Variants in RBM19 observed in about 807,000 individuals in gnomAD.
RBM19 encodes the protein probable RNA-binding protein 19.
Under a neutral mutation model 116.8 loss-of-function variants are expected in RBM19, and 94 were observed. That is an observed-to-expected ratio of 0.80 (90% CI 0.68 to 0.95). The LOEUF is 0.95. Among genes scored for constraint, RBM19 ranks in the 40% least tolerant of loss-of-function variants. The probability of loss-of-function intolerance (pLI) is 0.00; values close to 1 mark genes in which losing one functional copy is unlikely to be tolerated. For synonymous variants in RBM19, 475 were observed against 494.1 expected, an observed-to-expected ratio of 0.96 and a Z score of 0.51; for missense variants, 1,161 against 1,220.7, an observed-to-expected ratio of 0.95 and a Z score of 0.73.
rs150114860 is a variant in RBM19, at chr12:113,822,268, C to T, written c.*956G>A. 17 of 152,390 alleles carry T rather than the reference C, an allele frequency of 1.1e-4. No individual in the cohort carries two copies. The highest frequency in any genetic ancestry group is 3.9e-4 in the Admixed American group (6 of 15,310). 9.4% of individuals were successfully genotyped at this position (152,390 alleles called of 1,614,324 possible). On this transcript the variant is annotated 3_prime_UTR_variant, in exon 24 of 24. Transcript: ENST00000261741. Reference sequence around the variant, plus strand: ...AGTGCAGTTCTTGCTCTGCCCTCTCCGTCTTGCCCTCTGCCTGGTGCTGGC... The same window carrying T: ...AGTGCAGTTCTTGCTCTGCCCTCTCTGTCTTGCCCTCTGCCTGGTGCTGGC...
intron 2 of RBM19, among the ~76,000 whole-genome samples, chr12:113,961,393 G>A (rs938358009): frequency 1.1e-4 from 16 of 151,782 alleles, no homozygotes; most frequent in African/African-American, 3.6e-4. Flanking sequence ...ACATGCTCAC[G>A]GTACAAAATT....
At chr12:113,909,193 G>C (rs117611077) in intron 21 of RBM19, among the ~76,000 whole-genome samples, 1 of 152,146 alleles carries the variant, frequency 6.6e-6, no homozygotes, top group African/African-American at 2.4e-5. Context: ...CCTGATTATA[G>C]CTCACTGCAA....
downstream of RBM19, among the ~76,000 whole-genome samples, chr12:113,820,543 C>T (rs578017983): frequency 1.8e-3 from 272 of 152,128 alleles, no homozygotes; most frequent in Non-Finnish European, 3.3e-3. Flanking sequence ...GTCAGGGAGG[C>T]CCTAGAGGGT....
intron 23 of RBM19, among the ~76,000 whole-genome samples, chr12:113,831,145 T>C (rs1264657331): frequency 6.6e-6 from 1 of 152,150 alleles, no homozygotes; most frequent in Non-Finnish European, 1.5e-5. Context: ...GATTTTCAGG[T>C]CAAATCTTCC....
At chr12:113,838,341 C>T (rs533297861) in intron 23 of RBM19, among the ~76,000 whole-genome samples, 5 of 151,984 alleles carry the variant, frequency 3.3e-5, no homozygotes, top group Admixed American at 1.3e-4. Flanking sequence ...GGGGAGAATA[C>T]GTAAACTCCA....
intron 21 of RBM19, among the ~76,000 whole-genome samples, chr12:113,910,048 T>C (rs1410012961): frequency 1.3e-5 from 2 of 152,166 alleles, no homozygotes; most frequent in East Asian, 3.8e-4. Flanking sequence ...CTCTTCACCA[T>C]GACTTGACCT....
In RBM19 at chr12:113,875,406, G is replaced by A. The variant is rs373119642; in HGVS notation, c.2559-16510C>T. 7.2e-5 allele frequency among the ~76,000 whole-genome samples: 11 copies of A among 152,284 alleles called. No homozygotes were observed. In the South Asian group the frequency reaches 1.2e-3, roughly 17 times the overall value. On this transcript the variant is annotated intron_variant, in intron 21 of 23. Coordinates refer to ENST00000261741, the MANE Select transcript of RBM19 (RefSeq NM_016196.4). ...CAATTACAAAAGTTTAGAATTGGAT[G>A]GTGAGTCAGAAGCTGAGAGCCCAAG...
chr12:113,885,494 T>C (rs572453952), intron 21 of RBM19, among the ~76,000 whole-genome samples: 2 of 152,216 alleles, frequency 1.3e-5, no homozygotes, highest in African/African-American at 2.4e-5. Flanking sequence ...TCCGGTTCTA[T>C]GGAGGACATT....
At chr12:113,936,779 C>T in intron 16 of RBM19, 2 of 471,730 alleles carry the variant, frequency 4.2e-6, no homozygotes, top group South Asian at 6.7e-5. Context: ...TAATTTTTTT[C>T]CCCTAAAAGC....
chr12:113,912,797 C>G (rs948098494), intron 21 of RBM19, among the ~76,000 whole-genome samples: 1 of 152,136 alleles, frequency 6.6e-6, no homozygotes, highest in Non-Finnish European at 1.5e-5. Context: ...CTCCCCCTGG[C>G]TAATGACCTT....
chr12:113,953,779 A>G (rs890205156), intron 7 of RBM19, among the ~76,000 whole-genome samples: 5 of 152,388 alleles, frequency 3.3e-5, no homozygotes, highest in African/African-American at 9.6e-5. Context: ...TCAGCAAACT[A>G]TGGCCCACGG....
intron 1 of RBM19, 137 bp downstream of exon 1, chr12:113,966,054 GC>G (rs1593667298): frequency 2.2e-6 from 2 of 927,206 alleles, no homozygotes; most frequent in East Asian, 2.5e-5. Flanking sequence ...CCAGGATCCC[GC>G]CCCCTTTGAG....
Position 113,962,512 on chromosome 12 carries a change from G to A in RBM19, c.37-98C>T. On this transcript the variant is annotated intron_variant, in intron 1 of 23. Coordinates refer to ENST00000261741, the MANE Select transcript of RBM19 (RefSeq NM_016196.4). ...CCTGAGGCCACGAGATTCTCCAAGG[G>A]TGGCCTTAGATGAAGAGGGGCAGAG... 4.7e-6 allele frequency: 6 copies of A among 1,273,212 alleles called. No individual in the cohort carries two copies. In the South Asian group the frequency reaches 6.8e-5, roughly 14 times the overall value. The allele number at this position is 1,273,212 out of a possible 1,614,324, so 78.9% of individuals were successfully genotyped here.
At chr12:113,820,059 TGGG>T (rs1874311656), downstream of RBM19, among the ~76,000 whole-genome samples, 2 of 93,434 alleles carry the variant, frequency 2.1e-5, no homozygotes, top group Admixed American at 2.4e-4. Context: ...GATAGGGGGT[TGGG>T]GCTGGGTGTA....
At chr12:113,832,622 G>T (rs7137879) in intron 23 of RBM19, among the ~76,000 whole-genome samples, 97,712 of 152,044 alleles carry the variant, frequency 0.64, 31,798 homozygotes, top group East Asian at 0.84. Context: ...GCCTCCTGCT[G>T]AGGCCTTCAA....
At chr12:113,824,868 C>A (rs1212815850) in intron 23 of RBM19, among the ~76,000 whole-genome samples, 1 of 152,124 alleles carries the variant, frequency 6.6e-6, no homozygotes, top group East Asian at 1.9e-4. Flanking sequence ...CCCCTCCCAC[C>A]AAGGGATCCC....
chr12:113,963,886 G>A (rs1872678644), intron 1 of RBM19, among the ~76,000 whole-genome samples: 1 of 152,126 alleles, frequency 6.6e-6, no homozygotes, highest in Admixed American at 6.6e-5. Context: ...GTCCCCTCTG[G>A]GTGATATTTC....
intron 21 of RBM19, among the ~76,000 whole-genome samples, chr12:113,872,316 C>A (rs1487180402): frequency 6.7e-6 from 1 of 149,034 alleles, no homozygotes. Flanking sequence ...AAGTGAGGAG[C>A]CCCTCCGCCC....
At chr12:113,832,806 G>C (rs1875542817) in intron 23 of RBM19, among the ~76,000 whole-genome samples, 1 of 152,216 alleles carries the variant, frequency 6.6e-6, no homozygotes, top group African/African-American at 2.4e-5. Flanking sequence ...ATCTTTGCTT[G>C]AACTTTCCTG....
Sources: allele counts gnomAD v4.1 joint callset (sites outside exome capture counted in the v4.1 genomes callset), GRCh38; gene constraint gnomAD v4.1.1; transcripts MANE v1.5; gene names NCBI Gene and HGNC (gene_info 2026-07-23, HGNC 2026-07-21).